USP6NL: variants seen among roughly 807,000 people sequenced by gnomAD.
USP6NL encodes USP6 N-terminal like.
Under a neutral mutation model 61.9 loss-of-function variants are expected in USP6NL, and 26 were observed. That is an observed-to-expected ratio of 0.42 (90% CI 0.31 to 0.58). The LOEUF is 0.58. USP6NL is among the 20% of genes least tolerant of loss of function. The pLI is 0.16. For synonymous variants in USP6NL, 432 were observed against 390.1 expected (o/e 1.11, Z -1.27); for missense variants, 1,114 against 1,034.3 (o/e 1.08, Z -1.06).
At chr10:11,572,545 A>C (rs1837400487) in intron 2 of USP6NL, among the ~76,000 whole-genome samples, 1 of 152,044 alleles carries the variant, frequency 6.6e-6, no homozygotes, top group Non-Finnish European at 1.5e-5. Flanking sequence ...TATTCTTTAT[A>C]TGGTTGACTA....
chr10:11,567,157 G>C (rs1413815534), intron 2 of USP6NL, among the ~76,000 whole-genome samples: 1 of 152,178 alleles, frequency 6.6e-6, no homozygotes, highest in African/African-American at 2.4e-5. Flanking sequence ...TGCTTAAATA[G>C]TCCATTGCAG....
Position 11,597,419 on chromosome 10 carries a change from C to T in USP6NL, c.4+212G>A, listed in dbSNP as rs1250418566. The stretch of plus-strand genomic sequence containing the variant: ...GCCAAAGAGCTAATGACCAGATTTC[C>T]TCATCACATGAAACTTTTTAGAATA... On this transcript the variant is annotated intron_variant, in intron 2 of 14. Transcript: ENST00000609104. The surrounding 1 kb of genome is among the most constrained non-coding windows in gnomAD (Gnocchi z 4.6). Among the ~76,000 whole-genome samples, 1 of 152,184 alleles carries T rather than the reference C, an allele frequency of 6.6e-6. No individual in the cohort carries two copies. The highest frequency in any genetic ancestry group is 1.9e-4 in the East Asian group (1 of 5,200).
intron 2 of USP6NL, among the ~76,000 whole-genome samples, chr10:11,567,686 C>T (rs1190812007): frequency 1.3e-5 from 2 of 152,184 alleles, no homozygotes; most frequent in Non-Finnish European, 2.9e-5. Context: ...TCTAAGAGAT[C>T]AGAAGAGCAA....
chr10:11,463,516 T>C lies in USP6NL; in HGVS notation c.1412A>G (p.Gln471Arg). The C allele has an allele frequency of 1.9e-6, 3 of 1,614,092 alleles. No individual in the cohort carries two copies. Among genetic ancestry groups the C allele is most frequent in the South Asian group, 1.1e-5 (1 of 91,088 alleles). Residue 471 changes from glutamine (Q) to arginine (R), a missense_variant, in exon 15 of 15, where the codon CAA becomes CGA. Gln to Arg is a conservative substitution (Grantham distance 43). Transcript: ENST00000609104. This position sits in a 1 kb window ranked among gnomAD's most constrained non-coding sequence, Gnocchi z 6.3. ...GATATTTGAAGTGGCGTTGCTATTTTGGTTGGCAGCTGCGTGATTATATTG... is the reference window on the plus strand; with the variant it reads ...GATATTTGAAGTGGCGTTGCTATTTCGGTTGGCAGCTGCGTGATTATATTG... ...SRQYNHAAAN[Q>R]NSNATSNIRK...
intron 2 of USP6NL, among the ~76,000 whole-genome samples, chr10:11,579,966 G>GGGGA (rs1566195857): frequency 6.7e-6 from 1 of 148,350 alleles, no homozygotes; most frequent in Admixed American, 6.8e-5. Context: ...AGAGTGGCGG[G>GGGGA]GGGGGGGCAG....
Position 11,518,453 on chromosome 10 carries a change from A to G in USP6NL, c.195+82T>C. ...ACCATTCCCATATAATATGGCACTT[A>G]AAATCACAAAGGTGGTCAATTTTAT... On this transcript the variant is annotated intron_variant, in intron 5 of 14. Coordinates refer to ENST00000609104, the MANE Select transcript of USP6NL (RefSeq NM_014688.5). The surrounding 1 kb of genome is among the most constrained non-coding windows in gnomAD (Gnocchi z 5.3). The G allele has an allele frequency of 7.7e-7, 1 of 1,291,204 alleles. No homozygotes were observed. The highest frequency in any genetic ancestry group is 1.2e-5 in the South Asian group (1 of 81,296). The allele number at this position is 1,291,204 out of a possible 1,614,324, so 80.0% of individuals were successfully genotyped here. A position where few individuals can be genotyped will look rare whatever the true frequency, so the allele number is the denominator to read the frequency against.
chr10:11,555,451 T>TATATATATATAG (rs1427219382), intron 2 of USP6NL, among the ~76,000 whole-genome samples: 11 of 60,998 alleles, frequency 1.8e-4, no homozygotes, highest in East Asian at 9.7e-4. Context: ...TATATATATA[T>TATATATATATAG]AGAGAGAGAG....
In USP6NL at chr10:11,509,469, A is replaced by G. The variant is rs184295419; in HGVS notation, c.276+126T>C. On this transcript the variant is annotated intron_variant, in intron 6 of 14. Coordinates refer to ENST00000609104, the MANE Select transcript of USP6NL (RefSeq NM_014688.5). ...AACTCCTAATTCGAGGCATACTGCT[A>G]AATTAAACCAAAATTTCAAAACCAA... The G allele has an allele frequency of 1.7e-4, 147 of 870,816 alleles. No homozygotes were observed. In the African/African-American group the frequency reaches 2.4e-3, roughly 14 times the overall value. The allele number at this position is 870,816 out of a possible 1,614,324, so 53.9% of individuals were successfully genotyped here. A position where few individuals can be genotyped will look rare whatever the true frequency, so the allele number is the denominator to read the frequency against.
intron 2 of USP6NL, among the ~76,000 whole-genome samples, chr10:11,550,581 C>T: frequency 6.6e-6 from 1 of 151,894 alleles, no homozygotes. Flanking sequence ...CATGGTGAAA[C>T]CCTATCTCTA....
At position 11,465,540 on chromosome 10, in the gene USP6NL, T is replaced by C. The variant is rs1364706350; in HGVS notation, c.1079-1691A>G. 1.3e-5 allele frequency among the ~76,000 whole-genome samples: 2 copies of C among 152,196 alleles called. No individual in the cohort carries two copies. The highest frequency in any genetic ancestry group is 2.9e-5 in the Non-Finnish European group (2 of 68,042). ...TTAAAATGTCTTTTAAGATTCTCCA[T>C]AGCAGTATTTAAAAAACAAACAAAA... On this transcript the variant is annotated intron_variant, in intron 14 of 14. Transcript: ENST00000609104. The surrounding 1 kb of genome is among the most constrained non-coding windows in gnomAD (Gnocchi z 4.5).
At chr10:11,607,499 C>T (rs1838746516) in intron 1 of USP6NL, among the ~76,000 whole-genome samples, 1 of 152,106 alleles carries the variant, frequency 6.6e-6, no homozygotes, top group Non-Finnish European at 1.5e-5. Context: ...GCCTGGGCAA[C>T]ATGGAGAAAC....
intron 2 of USP6NL, among the ~76,000 whole-genome samples, chr10:11,572,424 T>C (rs1398098718): frequency 2.0e-5 from 3 of 151,876 alleles, no homozygotes; most frequent in Non-Finnish European, 4.4e-5. Context: ...ATGACAACAG[T>C]CTCTCTGCTT....
chr10:11,536,204 C>T (rs1321175564), intron 2 of USP6NL, among the ~76,000 whole-genome samples: 1 of 152,220 alleles, frequency 6.6e-6, no homozygotes, highest in Non-Finnish European at 1.5e-5. Context: ...GCCTAAGCCA[C>T]CCTACCACTG....
rs191389935 is a variant in USP6NL at position 11,470,281 on chromosome 10, G to A, written c.1079-6432C>T. Among the ~76,000 whole-genome samples, 139 of 152,296 alleles carry A rather than the reference G, an allele frequency of 9.1e-4. No individual in the cohort carries two copies. Among genetic ancestry groups the A allele is most frequent in the Middle Eastern group, 3.4e-3 (1 of 294 alleles). Reference sequence around the variant, plus strand: ...GCAGGGAACCTCATGGAGGGCCCGCGGGGACTCGCTGGCTTTTCACAGCCT... The same window carrying A: ...GCAGGGAACCTCATGGAGGGCCCGCAGGGACTCGCTGGCTTTTCACAGCCT... On this transcript the variant is annotated intron_variant, in intron 14 of 14. Coordinates refer to ENST00000609104, the MANE Select transcript of USP6NL (RefSeq NM_014688.5). The surrounding 1 kb of genome is among the most constrained non-coding windows in gnomAD (Gnocchi z 5.4).
intron 14 of USP6NL, among the ~76,000 whole-genome samples, chr10:11,464,776 T>C (rs766912681): frequency 3.3e-5 from 5 of 152,376 alleles, no homozygotes; most frequent in African/African-American, 9.6e-5. Context: ...GTAAGAAATA[T>C]ATTTTATAAT....
At position 11,532,096 on chromosome 10, in the gene USP6NL, A is replaced by C; in HGVS notation, c.5-4529T>G. Reference sequence around the variant, plus strand: ...GTTCATTTCCAATAAAATAAAATTTACAGCAGACCATTTTTCCTAGAGTAC... The same window carrying C: ...GTTCATTTCCAATAAAATAAAATTTCCAGCAGACCATTTTTCCTAGAGTAC... On this transcript the variant is annotated intron_variant, in intron 2 of 14. Coordinates refer to ENST00000609104, the MANE Select transcript of USP6NL (RefSeq NM_014688.5). The surrounding 1 kb of genome is among the most constrained non-coding windows in gnomAD (Gnocchi z 4.1). The C allele has an allele frequency of 2.0e-6, 2 of 1,017,804 alleles. No individual in the cohort carries two copies. The highest frequency in any genetic ancestry group is 2.9e-6 in the Non-Finnish European group (2 of 698,204). 63.0% of individuals were successfully genotyped at this position (1,017,804 alleles called of 1,614,324 possible).
rs1833409492 is a variant in USP6NL, at chr10:11,485,236, T to C, written c.760-2A>G. The C allele has an allele frequency of 7.2e-6, 11 of 1,519,800 alleles. No homozygotes were observed. The highest frequency in any genetic ancestry group is 9.7e-6 in the Non-Finnish European group (11 of 1,138,650). 94.1% of individuals were successfully genotyped at this position (1,519,800 alleles called of 1,614,324 possible). A position where few individuals can be genotyped will look rare whatever the true frequency, so the allele number is the denominator to read the frequency against. On this transcript the variant is annotated splice_acceptor_variant, in intron 11 of 14. Transcript: ENST00000609104. LOFTEE classifies it high-confidence loss of function. The surrounding 1 kb of genome is among the most constrained non-coding windows in gnomAD (Gnocchi z 4.8). ...ACTTGTGTAGATTTCTTGAGAATCC[T>C]GAAAAAACAAAGAGCTCACAATTTA...
intron 2 of USP6NL, among the ~76,000 whole-genome samples, chr10:11,547,265 T>C (rs548322006): frequency 6.6e-4 from 101 of 152,338 alleles, no homozygotes; most frequent in African/African-American, 2.3e-3. Flanking sequence ...GTTCTAAGCA[T>C]ATTTTCTCAA....
At chr10:11,606,938 C>T (rs569059662) in intron 1 of USP6NL, among the ~76,000 whole-genome samples, 5 of 151,928 alleles carry the variant, frequency 3.3e-5, no homozygotes, top group South Asian at 2.1e-4. Flanking sequence ...CACAAGCGTA[C>T]GCCACCATGC....
Sources: allele counts gnomAD v4.1 joint callset (sites outside exome capture counted in the v4.1 genomes callset), GRCh38; gene constraint gnomAD v4.1.1; non-coding constraint Gnocchi (gnomAD v3.1); transcripts MANE v1.5; gene names NCBI Gene and HGNC (gene_info 2026-07-23, HGNC 2026-07-21).